The following TNFAIP3 variants were observed in gnomAD, a reference collection of about 807,000 sequenced individuals.
The protein encoded by TNFAIP3 is TNF alpha induced protein 3.
Under a neutral mutation model 72.4 loss-of-function variants are expected in TNFAIP3, and 9 were observed. The observed-to-expected ratio is 0.12, with a 90% confidence interval of 0.07 to 0.22. TNFAIP3 has a LOEUF of 0.22. Ranked by LOEUF, TNFAIP3 falls within the 10% of genes least tolerant of loss-of-function variation. The pLI is 1.00. For synonymous variants in TNFAIP3, 339 were observed against 372.6 expected (o/e 0.91, Z 1.04); for missense variants, 833 against 1,018.7 (o/e 0.82, Z 2.48).
At chr6:137,880,794 T>G (rs1260261600) in intron 8 of TNFAIP3, among the ~76,000 whole-genome samples, 2 of 152,166 alleles carry the variant, frequency 1.3e-5, no homozygotes, top group Non-Finnish European at 2.9e-5. Flanking sequence ...GCAGGCCAAC[T>G]TAGGCTTGGC....
In TNFAIP3 at chr6:137,871,315, T is replaced by C. The variant is rs758096571; in HGVS notation, c.88T>C (p.Phe30Leu). Reference protein sequence around the residue: ...KIRERTPEDIFKPTNGIIHHF... With the variant: ...KIRERTPEDILKPTNGIIHHF... The stretch of plus-strand genomic sequence containing the variant: ...ACGGGAGAGAACTCCAGAAGACATT[T>C]TTAAACCTACTAATGGGATCATTCA... Residue 30 changes from phenylalanine (F) to leucine (L), a missense_variant, in exon 2 of 9, where the codon TTT becomes CTT. Physicochemically the swap from Phe to Leu is conservative, Grantham distance 22. Coordinates refer to ENST00000612899, the MANE Select transcript of TNFAIP3 (RefSeq NM_001270508.2). This position sits in a 1 kb window ranked among gnomAD's most constrained non-coding sequence, Gnocchi z 4.2. 3.7e-6 allele frequency: 6 copies of C among 1,614,172 alleles called. No individual in the cohort carries two copies. The highest frequency in any genetic ancestry group is 5.1e-6 in the Non-Finnish European group (6 of 1,180,026).
Position 137,876,964 on chromosome 6 carries a change from AC to A in TNFAIP3, c.806-111del, listed in dbSNP as rs1310346420. The A allele has an allele frequency of 1.7e-5, 15 of 857,622 alleles. No individual in the cohort carries two copies. The Admixed American group carries it at 4.9e-4, about 28-fold the overall frequency. The allele number at this position is 857,622 out of a possible 1,614,324, so 53.1% of individuals were successfully genotyped here. A position where few individuals can be genotyped will look rare whatever the true frequency, so the allele number is the denominator to read the frequency against. On this transcript the variant is annotated intron_variant, in intron 5 of 8. Coordinates refer to ENST00000612899, the MANE Select transcript of TNFAIP3 (RefSeq NM_001270508.2). ...TTTGGGTTTAACTGTGGCTAAGAAT[AC>A]TTTTCTATTCTGTAAGTTATATCTT... is the stretch of plus-strand genomic sequence containing the variant.
At position 137,871,247 on chromosome 6, in the gene TNFAIP3, C is replaced by T. The variant is rs2114457518; in HGVS notation, c.20C>T (p.Pro7Leu). MAEQVL[P>L]QALYLSNMRK... ...AGCACAATGGCTGAACAAGTCCTTC[C>T]TCAGGCTTTGTATTTGAGCAATATG... Residue 7 changes from proline (P) to leucine (L), a missense_variant, in exon 2 of 9, where the codon CCT (proline) becomes CTT (leucine). Pro to Leu is a moderately conservative substitution (Grantham distance 98). Coordinates refer to ENST00000612899, the MANE Select transcript of TNFAIP3 (RefSeq NM_001270508.2). This position sits in a 1 kb window ranked among gnomAD's most constrained non-coding sequence, Gnocchi z 4.2. 1 of 1,613,238 alleles carries T rather than the reference C, an allele frequency of 6.2e-7. No homozygotes were observed. Among genetic ancestry groups the T allele is most frequent in the South Asian group, 1.1e-5 (1 of 91,010 alleles).
At chr6:137,880,542 G>T (rs1776414816) in intron 8 of TNFAIP3, among the ~76,000 whole-genome samples, 2 of 152,200 alleles carry the variant, frequency 1.3e-5, no homozygotes, top group Admixed American at 1.3e-4. Context: ...GCCAGATGGT[G>T]ATCAGAGGCT....
chr6:137,875,630 T>G, intron 3 of TNFAIP3, 58 bp from the exon 4 acceptor site: 1 of 1,580,966 alleles, frequency 6.3e-7, no homozygotes, highest in Non-Finnish European at 8.6e-7. Context: ...CAGAATGACT[T>G]TTTAGTACAG....
At position 137,879,120 on chromosome 6, in the gene TNFAIP3, T is replaced by C. The variant is rs745973283; in HGVS notation, c.1675T>C (p.Cys559Arg). The C allele has an allele frequency of 2.5e-6, 4 of 1,614,156 alleles. No individual in the cohort carries two copies. Among genetic ancestry groups the C allele is most frequent in the Non-Finnish European group, 3.4e-6 (4 of 1,180,012 alleles). The change falls in exon 7 of 9, where the codon TGT becomes CGT. Residue 559 changes from cysteine to arginine, a missense_variant. Transcript: ENST00000612899. ...SSLSTSLPPS[C>R]HQRSKSDPSR... ...CCTCAGCACCAGCCTCCCTCCTTCCTGTCACCAGCGTTCCAAGTCAGATCC... is the reference window on the plus strand; with the variant it reads ...CCTCAGCACCAGCCTCCCTCCTTCCCGTCACCAGCGTTCCAAGTCAGATCC...
chr6:137,872,457 T>G (rs953914124), intron 2 of TNFAIP3, among the ~76,000 whole-genome samples: 1 of 152,206 alleles, frequency 6.6e-6, no homozygotes, highest in Non-Finnish European at 1.5e-5. Context: ...AGAAATAATA[T>G]GTCCAAGGGC....
intron 2 of TNFAIP3, among the ~76,000 whole-genome samples, chr6:137,874,252 T>C (rs969120088): frequency 3.3e-5 from 5 of 152,184 alleles, no homozygotes; most frequent in African/African-American, 1.2e-4. Flanking sequence ...CATAGGTAAT[T>C]CCGTGTTGTC....
Position 137,878,627 on chromosome 6 carries a change from C to G in TNFAIP3, c.1182C>G (p.Phe394Leu), listed in dbSNP as rs762710607. 6.2e-7 allele frequency: 1 copy of G among 1,614,260 alleles called. No individual in the cohort carries two copies. Among genetic ancestry groups the G allele is most frequent in the South Asian group, 1.1e-5 (1 of 91,088 alleles). ...AATGTGAAACGCCCAACTGCCCCTT[C>G]TTCATGTCTGTGAACACCCAGCCTT... ...DVKCETPNCP[F>L]FMSVNTQPLC... Residue 394 changes from phenylalanine to leucine, a missense_variant, in exon 7 of 9, where the codon TTC (phenylalanine) becomes TTG (leucine). Coordinates refer to ENST00000612899, the MANE Select transcript of TNFAIP3 (RefSeq NM_001270508.2).
At chr6:137,876,963 T>C in intron 5 of TNFAIP3, 113 bp from the exon 6 acceptor site, 1 of 856,710 alleles carries the variant, frequency 1.2e-6, no homozygotes, top group Non-Finnish European at 1.7e-6. Flanking sequence ...TGGCTAAGAA[T>C]ACTTTTCTAT....
chr6:137,878,731 G>A lies in TNFAIP3; in HGVS notation c.1286G>A (p.Gly429Glu), dbSNP rs1231840003. 1 of 1,614,080 alleles carries A rather than the reference G, an allele frequency of 6.2e-7. No homozygotes were observed. The highest frequency in any genetic ancestry group is 8.5e-7 in the Non-Finnish European group (1 of 1,180,026). Residue 429 changes from glycine to glutamate, a missense_variant, in exon 7 of 9, where the codon GGG (glycine) becomes GAG (glutamate). Physicochemically the swap from Gly to Glu is moderately conservative, Grantham distance 98. This residue lies in a region of TNFAIP3 where 587 missense variants were observed against 657.8 expected (regional missense o/e 0.89). Transcript: ENST00000612899. ...CTGAACTCCAAGCCGGGCCCTGAGG[G>A]GCTCCCTGGCATGGCGCTCGGGGCC... ...PKLNSKPGPE[G>E]LPGMALGASR...
intron 6 of TNFAIP3, 124 bp downstream of exon 6, chr6:137,877,380 G>A: frequency 1.3e-6 from 1 of 759,824 alleles, no homozygotes; most frequent in Non-Finnish European, 2.0e-6. Context: ...CTGCCAATGG[G>A]AAACAAATTC....
At chr6:137,872,588 T>C (rs1181610583) in intron 2 of TNFAIP3, among the ~76,000 whole-genome samples, 4 of 152,208 alleles carry the variant, frequency 2.6e-5, no homozygotes, top group South Asian at 2.1e-4. Flanking sequence ...TTGGTGGACA[T>C]GGGTTTTTAA....
In TNFAIP3 at chr6:137,880,066, T is replaced by C. The variant is rs1426347974; in HGVS notation, c.1907-5T>C. 1 of 1,613,934 alleles carries C rather than the reference T, an allele frequency of 6.2e-7. No individual in the cohort carries two copies. Among genetic ancestry groups the C allele is most frequent in the African/African-American group, 1.3e-5 (1 of 75,028 alleles). On this transcript the variant is annotated splice_region_variant and splice_polypyrimidine_tract_variant and intron_variant, in intron 7 of 8. Coordinates refer to ENST00000612899, the MANE Select transcript of TNFAIP3 (RefSeq NM_001270508.2). ...TGGTACTAACTAGCATCCATTCTCATGTAGATTTTGCTGCTGCCTCAGGGA... is the reference window on the plus strand; with the variant it reads ...TGGTACTAACTAGCATCCATTCTCACGTAGATTTTGCTGCTGCCTCAGGGA...
Position 137,875,033 on chromosome 6 carries a change from C to G in TNFAIP3, c.484C>G (p.Arg162Gly), listed in dbSNP as rs587778710. ...FVETGLCYDTRNWNDEWDNLI... is the reference protein window; with the variant it reads ...FVETGLCYDTGNWNDEWDNLI... ...TGAAACGGGGCTTTGCTATGATACTCGGGTAGGTTTTTCCCCCTAATTATC... is the reference window on the plus strand; with the variant it reads ...TGAAACGGGGCTTTGCTATGATACTGGGGTAGGTTTTTCCCCCTAATTATC... The change falls in exon 3 of 9, where the codon CGG becomes GGG. Residue 162 changes from arginine to glycine, a missense_variant and splice_region_variant. Around this residue, in one of 2 missense-constraint regions of TNFAIP3, gnomAD observed 246 missense variants for 360.9 expected, o/e 0.68. Transcript: ENST00000612899. The G allele has an allele frequency of 1.2e-6, 2 of 1,614,040 alleles. No homozygotes were observed. Among genetic ancestry groups the G allele is most frequent in the Non-Finnish European group, 1.7e-6 (2 of 1,180,016 alleles).
At chr6:137,872,263 A>G (rs983982134) in intron 2 of TNFAIP3, among the ~76,000 whole-genome samples, 4 of 152,210 alleles carry the variant, frequency 2.6e-5, no homozygotes, top group African/African-American at 9.6e-5. Context: ...TTGGGTAAGA[A>G]TATGTGCATC....
Position 137,879,089 on chromosome 6 carries a change from C to T in TNFAIP3, c.1644C>T (p.Ser548=), listed in dbSNP as rs1386886899. ...TCAAAAGGACTACAGCAGAGGCCTCCTCCAGCCTCAGCACCAGCCTCCCTC... is the reference window on the plus strand; with the variant it reads ...TCAAAAGGACTACAGCAGAGGCCTCTTCCAGCCTCAGCACCAGCCTCCCTC... ...TCFKRTTAEA[S]SSLSTSLPPS... is the part of the protein sequence containing the mutation. Residue 548 remains serine, a synonymous_variant, in exon 7 of 9, where the codon TCC becomes TCT. Transcript: ENST00000612899. 2 of 1,614,088 alleles carry T rather than the reference C, an allele frequency of 1.2e-6. No individual in the cohort carries two copies. Among genetic ancestry groups the T allele is most frequent in the Admixed American group, 1.7e-5 (1 of 60,008 alleles).
rs1048599592 is a variant in TNFAIP3, at chr6:137,871,140, G to T, written c.-15-73G>T. The T allele has an allele frequency of 1.4e-6, 2 of 1,413,918 alleles. No individual in the cohort carries two copies. Among genetic ancestry groups the T allele is most frequent in the African/African-American group, 1.4e-5 (1 of 69,808 alleles). 87.6% of individuals were successfully genotyped at this position (1,413,918 alleles called of 1,614,324 possible). A position where few individuals can be genotyped will look rare whatever the true frequency, so the allele number is the denominator to read the frequency against. On this transcript the variant is annotated intron_variant, in intron 1 of 8. Transcript: ENST00000612899. This position sits in a 1 kb window ranked among gnomAD's most constrained non-coding sequence, Gnocchi z 4.2. ...ACAAGATCAAACACTGGGGTTTCCT[G>T]CAGGCAGCTATAGAGGAGTCGTATT...
intron 5 of TNFAIP3, 54 bp from the exon 6 acceptor site, chr6:137,877,022 T>A: frequency 7.5e-7 from 1 of 1,329,048 alleles, no homozygotes; most frequent in Non-Finnish European, 1.0e-6. Flanking sequence ...TCTACTTACC[T>A]ATGGCCTTGT....
Sources: allele counts gnomAD v4.1 joint callset (sites outside exome capture counted in the v4.1 genomes callset), GRCh38; gene constraint gnomAD v4.1.1; regional missense constraint gnomAD v4.1.1; non-coding constraint Gnocchi (gnomAD v3.1); transcripts MANE v1.5; gene names NCBI Gene and HGNC (gene_info 2026-07-23, HGNC 2026-07-21).